The following ADAMTS17 variants were observed in gnomAD, a reference collection of about 807,000 sequenced individuals.
The protein encoded by ADAMTS17 is ADAM metallopeptidase with thrombospondin type 1 motif 17.
A neutral mutation model predicts 141.5 loss-of-function variants in ADAMTS17; 113 were observed. The ratio of observed to expected loss-of-function variants is 0.80; its 90% CI spans 0.69 to 0.93. The LOEUF (loss-of-function observed/expected upper bound fraction) is 0.93, where lower values mean the gene tolerates loss of function less well. Ranked by LOEUF, ADAMTS17 falls within the 40% of genes least tolerant of loss-of-function variation. The pLI, the probability that ADAMTS17 is intolerant of heterozygous loss-of-function variation, is 0.00. For missense variants in ADAMTS17, 1,659 were observed against 1,517.9 expected (o/e 1.09, Z -1.54); for synonymous variants, 768 against 630.6 (o/e 1.22, Z -3.27).
intron 8 of ADAMTS17, among the ~76,000 whole-genome samples, chr15:100,172,373 G>T (rs2040192309): frequency 6.6e-6 from 1 of 152,156 alleles, no homozygotes; most frequent in African/African-American, 2.4e-5. Flanking sequence ...ACGTTAATAT[G>T]TTCAGTTCTT....
rs974496788 is a variant in ADAMTS17 at position 100,036,731 on chromosome 15, C to T, written c.2591+12126G>A. Among the ~76,000 whole-genome samples, 3 of 152,302 alleles carry T rather than the reference C, an allele frequency of 2.0e-5. 1 individual carries two copies. The South Asian group carries it at 6.2e-4, about 32-fold the overall frequency. On this transcript the variant is annotated intron_variant, in intron 18 of 21. Coordinates refer to ENST00000268070, the MANE Select transcript of ADAMTS17 (RefSeq NM_139057.4). ...GTAACCCTTTAGTTATCAACCCTCA[C>T]TTCCATCCCTCTCCCTCCTCATTAG...
intron 18 of ADAMTS17, among the ~76,000 whole-genome samples, chr15:100,005,460 G>A (rs942840359): frequency 2.6e-5 from 4 of 151,874 alleles, no homozygotes; most frequent in Non-Finnish European, 5.9e-5. Context: ...CCAGCTCCAC[G>A]CTGCCCCACT....
intron 7 of ADAMTS17, among the ~76,000 whole-genome samples, chr15:100,208,626 T>C (rs2041672041): frequency 6.6e-6 from 1 of 152,252 alleles, no homozygotes; most frequent in Admixed American, 6.5e-5. Context: ...TCATCATTCA[T>C]CATTACACAA....
chr15:99,999,545 G>A (rs1449572615), intron 18 of ADAMTS17, among the ~76,000 whole-genome samples: 2 of 152,180 alleles, frequency 1.3e-5, no homozygotes, highest in African/African-American at 4.8e-5. Flanking sequence ...GTGAGGAAGG[G>A]GAGAGCGAGG....
intron 3 of ADAMTS17, among the ~76,000 whole-genome samples, chr15:100,296,241 A>C (rs2044805732): frequency 6.6e-6 from 1 of 152,138 alleles, no homozygotes; most frequent in Non-Finnish European, 1.5e-5. Flanking sequence ...TGCCAGGTCC[A>C]AGAAAACTGC....
At chr15:100,068,717 A>T (rs978588904) in intron 15 of ADAMTS17, among the ~76,000 whole-genome samples, 4 of 152,256 alleles carry the variant, frequency 2.6e-5, no homozygotes, top group Admixed American at 6.5e-5. Flanking sequence ...AAAACTAACA[A>T]ACAGAAAGGA....
chr15:100,252,201 T>C (rs1323956229), intron 7 of ADAMTS17, among the ~76,000 whole-genome samples: 1 of 152,214 alleles, frequency 6.6e-6, no homozygotes, highest in Non-Finnish European at 1.5e-5. Flanking sequence ...AACGGAAAGC[T>C]AGCCATAAAT....
intron 7 of ADAMTS17, among the ~76,000 whole-genome samples, chr15:100,203,962 C>T (rs78064288): frequency 0.023 from 3,560 of 151,986 alleles, 133 homozygotes; most frequent in African/African-American, 0.081. Flanking sequence ...TTTAATTTAT[C>T]GAGAGAAGAG....
At chr15:100,111,247 G>C (rs34675009) in intron 13 of ADAMTS17, among the ~76,000 whole-genome samples, 1 of 152,104 alleles carries the variant, frequency 6.6e-6, no homozygotes, top group African/African-American at 2.4e-5. Context: ...TGGGCTCATG[G>C]ACAAGTGTAC....
chr15:100,277,456 C>G (rs894189198), intron 4 of ADAMTS17, among the ~76,000 whole-genome samples: 2 of 152,278 alleles, frequency 1.3e-5, no homozygotes, highest in East Asian at 1.9e-4. Flanking sequence ...ATATCAAAGT[C>G]GAAGCTCTGC....
chr15:100,163,403 G>C (rs1481173903), intron 8 of ADAMTS17, among the ~76,000 whole-genome samples: 3 of 151,870 alleles, frequency 2.0e-5, no homozygotes, highest in Non-Finnish European at 2.9e-5. Flanking sequence ...CCATGCTGAG[G>C]GTGACTCTGG....
intron 2 of ADAMTS17, among the ~76,000 whole-genome samples, chr15:100,339,642 GGTCCACATTCCCCGCCCC>G: frequency 2.6e-5 from 2 of 76,076 alleles, no homozygotes; most frequent in East Asian, 5.4e-4. Flanking sequence ...CCCCGCCCCA[GGTCCACATTCCCCGCCCC>G]AGGTCCACAT....
At chr15:100,312,849 A>G (rs1377194598) in intron 3 of ADAMTS17, among the ~76,000 whole-genome samples, 1 of 152,214 alleles carries the variant, frequency 6.6e-6, no homozygotes, top group African/African-American at 2.4e-5. Flanking sequence ...TGACCTAGGG[A>G]TGTGCAATCT....
At chr15:100,151,117 C>T (rs996684271) in intron 10 of ADAMTS17, among the ~76,000 whole-genome samples, 3 of 152,188 alleles carry the variant, frequency 2.0e-5, no homozygotes, top group Admixed American at 6.5e-5. Flanking sequence ...TGTCCTTCAA[C>T]CCTGCTGCTG....
chr15:100,230,886 C>G (rs373921310), intron 7 of ADAMTS17, among the ~76,000 whole-genome samples: 8 of 152,184 alleles, frequency 5.3e-5, no homozygotes, highest in East Asian at 1.9e-4. Context: ...AATTAGGAAG[C>G]CATCACTCTG....
intron 18 of ADAMTS17, among the ~76,000 whole-genome samples, chr15:100,032,300 C>A (rs1596268795): frequency 6.6e-6 from 1 of 152,176 alleles, no homozygotes; most frequent in Non-Finnish European, 1.5e-5. Flanking sequence ...CACCCGTCAG[C>A]ACCTCTCACT....
chr15:100,150,902 C>T (rs540569807), intron 10 of ADAMTS17, among the ~76,000 whole-genome samples: 1 of 152,194 alleles, frequency 6.6e-6, no homozygotes, highest in African/African-American at 2.4e-5. Flanking sequence ...AAGGGACTCC[C>T]TGAAACCTGC....
intron 3 of ADAMTS17, among the ~76,000 whole-genome samples, chr15:100,293,880 TTAACA>T (rs1028772522): frequency 6.6e-6 from 1 of 152,226 alleles, no homozygotes; most frequent in African/African-American, 2.4e-5. Context: ...TTTAGGAAAC[TTAACA>T]TAAATGTCCT....
intron 14 of ADAMTS17, among the ~76,000 whole-genome samples, chr15:100,104,056 G>C (rs906126451): frequency 6.6e-6 from 1 of 152,208 alleles, no homozygotes; most frequent in African/African-American, 2.4e-5. Context: ...AACTGAATTG[G>C]AGAATGTTGG....
Sources: allele counts gnomAD v4.1 joint callset (sites outside exome capture counted in the v4.1 genomes callset), GRCh38; gene constraint gnomAD v4.1.1; transcripts MANE v1.5; gene names NCBI Gene and HGNC (gene_info 2026-07-23, HGNC 2026-07-21).